The following GPC6 variants were observed in gnomAD, a reference collection of about 807,000 sequenced individuals.
The protein encoded by GPC6 is glypican-6.
Under a neutral mutation model 55.2 loss-of-function variants are expected in GPC6, and 14 were observed. The observed-to-expected ratio is 0.25, with a 90% confidence interval of 0.17 to 0.40. The LOEUF is 0.40. Ranked by LOEUF, GPC6 falls within the 10% of genes least tolerant of loss-of-function variation. GPC6 has a pLI of 1.00. For synonymous variants in GPC6, 278 were observed against 259.6 expected, an observed-to-expected ratio of 1.07 and a Z score of -0.68; for missense variants, 641 against 708.5, an observed-to-expected ratio of 0.90 and a Z score of 1.08.
intron 2 of GPC6, among the ~76,000 whole-genome samples, chr13:93,779,226 G>A (rs1470756132): frequency 1.3e-5 from 2 of 152,036 alleles, no homozygotes; most frequent in Non-Finnish European, 2.9e-5. Context: ...ACTTAGTATT[G>A]CGGCTACCAG....
intron 1 of GPC6, among the ~76,000 whole-genome samples, chr13:93,294,194 A>C (rs956563132): frequency 6.6e-6 from 1 of 152,174 alleles, no homozygotes; most frequent in African/African-American, 2.4e-5. Context: ...TTACAGTAAA[A>C]ATCACAAATA....
At chr13:94,150,764 A>C (rs1475570769) in intron 4 of GPC6, among the ~76,000 whole-genome samples, 4 of 143,978 alleles carry the variant, frequency 2.8e-5, no homozygotes, top group Non-Finnish European at 4.5e-5. Flanking sequence ...TCTAAGTTGA[A>C]ACACAAAGAA....
At chr13:93,449,543 T>C (rs1170333086) in intron 1 of GPC6, among the ~76,000 whole-genome samples, 1 of 152,316 alleles carries the variant, frequency 6.6e-6, no homozygotes, top group South Asian at 2.1e-4. Flanking sequence ...AAAAAGGGAC[T>C]GTAGGCCGGG....
rs543063136 is a variant in GPC6, at chr13:93,285,559, T to C, written c.160+57943T>C. On this transcript the variant is annotated intron_variant, in intron 1 of 8. Transcript: ENST00000377047. The stretch of plus-strand genomic sequence containing the variant: ...TCAAAAAGCCAATTTGTATAATTTT[T>C]CCCCACCCAAAATTGAGAAATTATT... Among the ~76,000 whole-genome samples, 278 of 151,976 alleles carry C rather than the reference T, an allele frequency of 1.8e-3. 1 individual carries two copies. Among genetic ancestry groups the C allele is most frequent in the African/African-American group, 6.4e-3 (264 of 41,428 alleles).
Position 93,420,298 on chromosome 13 carries a change from C to T in GPC6, c.161-124965C>T, listed in dbSNP as rs993056075. ...CATAGTCCTAGTTTGCTCTCTGATCCCAGTTTAATGAAGGTAGTCAGGAAA... is the reference window on the plus strand; with the variant it reads ...CATAGTCCTAGTTTGCTCTCTGATCTCAGTTTAATGAAGGTAGTCAGGAAA... On this transcript the variant is annotated intron_variant, in intron 1 of 8. Coordinates refer to ENST00000377047, the MANE Select transcript of GPC6 (RefSeq NM_005708.5). Among the ~76,000 whole-genome samples the T allele has an allele frequency of 3.3e-5, 5 of 151,996 alleles. No individual in the cohort carries two copies. In the East Asian group the frequency reaches 9.6e-4, roughly 29 times the overall value.
intron 6 of GPC6, among the ~76,000 whole-genome samples, chr13:94,345,304 C>T (rs1878232583): frequency 6.6e-6 from 1 of 152,106 alleles, no homozygotes; most frequent in East Asian, 1.9e-4. Flanking sequence ...GTATCTAATA[C>T]AGGGCTGTGC....
intron 4 of GPC6, among the ~76,000 whole-genome samples, chr13:94,064,316 T>G (rs924865936): frequency 2.6e-5 from 4 of 152,352 alleles, no homozygotes; most frequent in Admixed American, 2.6e-4. Flanking sequence ...GAGCTTTTTC[T>G]TCTCATTTAA....
chr13:93,491,924 C>T (rs1480672477), intron 1 of GPC6, among the ~76,000 whole-genome samples: 1 of 108,010 alleles, frequency 9.3e-6, no homozygotes, highest in African/African-American at 3.5e-5. Context: ...GTTACTGTAG[C>T]CTTGTAGTAT....
At position 93,888,569 on chromosome 13, in the gene GPC6, A is replaced by T. The variant is rs184188431; in HGVS notation, c.711+58024A>T. Reference sequence around the variant, plus strand: ...ATGTGGCTAGAATATGTAGGCTGATAATTAGACTACCTTGCTATCTGAACA... The same window carrying T: ...ATGTGGCTAGAATATGTAGGCTGATTATTAGACTACCTTGCTATCTGAACA... On this transcript the variant is annotated intron_variant, in intron 3 of 8. Coordinates refer to ENST00000377047, the MANE Select transcript of GPC6 (RefSeq NM_005708.5). 3.9e-4 allele frequency among the ~76,000 whole-genome samples: 59 copies of T among 152,304 alleles called. 1 individual carries two copies. Among genetic ancestry groups the T allele is most frequent in the African/African-American group, 1.3e-3 (55 of 41,600 alleles).
At chr13:93,934,140 T>G (rs1566610666) in intron 3 of GPC6, among the ~76,000 whole-genome samples, 1 of 152,174 alleles carries the variant, frequency 6.6e-6, no homozygotes, top group Non-Finnish European at 1.5e-5. Flanking sequence ...AACACACTGG[T>G]GTGGTTTTTA....
At chr13:93,839,454 T>C (rs1309833697) in intron 3 of GPC6, among the ~76,000 whole-genome samples, 2 of 152,180 alleles carry the variant, frequency 1.3e-5, no homozygotes, top group Non-Finnish European at 2.9e-5. Flanking sequence ...TAGGATCAGG[T>C]ATCAGGTCAT....
intron 2 of GPC6, among the ~76,000 whole-genome samples, chr13:93,548,907 A>G (rs1444225399): frequency 6.6e-6 from 1 of 152,194 alleles, no homozygotes; most frequent in Non-Finnish European, 1.5e-5. Context: ...TCTATGTAAT[A>G]GAGGTTTCTT....
At chr13:94,347,465 A>G (rs1048641910) in intron 6 of GPC6, among the ~76,000 whole-genome samples, 11 of 152,210 alleles carry the variant, frequency 7.2e-5, no homozygotes, top group South Asian at 4.1e-4. Flanking sequence ...TGGTCAGCAT[A>G]ATTTCCTTTC....
chr13:93,941,458 G>A (rs1310594432), intron 3 of GPC6, among the ~76,000 whole-genome samples: 1 of 152,258 alleles, frequency 6.6e-6, no homozygotes, highest in Non-Finnish European at 1.5e-5. Flanking sequence ...ATTGTGGCAT[G>A]TGATTAAGCA....
At chr13:93,866,598 T>G (rs908546988) in intron 3 of GPC6, among the ~76,000 whole-genome samples, 10 of 151,688 alleles carry the variant, frequency 6.6e-5, no homozygotes, top group African/African-American at 2.4e-4. Context: ...GGCCATTGTC[T>G]TTAGCAAACT....
intron 2 of GPC6, among the ~76,000 whole-genome samples, chr13:93,687,657 A>C (rs2138775385): frequency 6.6e-6 from 1 of 152,218 alleles, no homozygotes; most frequent in African/African-American, 2.4e-5. Flanking sequence ...AAATTAATAT[A>C]TATGTAAAGT....
At chr13:93,889,513 A>C (rs1018144524) in intron 3 of GPC6, among the ~76,000 whole-genome samples, 4 of 152,126 alleles carry the variant, frequency 2.6e-5, no homozygotes, top group African/African-American at 7.2e-5. Flanking sequence ...TCAAAGGAAG[A>C]AAAAACCCTT....
intron 2 of GPC6, among the ~76,000 whole-genome samples, chr13:93,555,869 G>A (rs1474489674): frequency 2.6e-5 from 4 of 152,246 alleles, no homozygotes; most frequent in African/African-American, 9.6e-5. Context: ...TGAAGCGAGT[G>A]TTCTCTGCTC....
intron 1 of GPC6, among the ~76,000 whole-genome samples, chr13:93,476,769 C>T (rs1879317618): frequency 6.6e-6 from 1 of 151,990 alleles, no homozygotes; most frequent in Non-Finnish European, 1.5e-5. Flanking sequence ...TGTAAGATGG[C>T]AGACCTTTTA....
Sources: allele counts gnomAD v4.1 joint callset (sites outside exome capture counted in the v4.1 genomes callset), GRCh38; gene constraint gnomAD v4.1.1; transcripts MANE v1.5; gene names NCBI Gene and HGNC (gene_info 2026-07-23, HGNC 2026-07-21).